The following FIBCD1 variants were observed in gnomAD, a reference collection of about 807,000 sequenced individuals.
FIBCD1 encodes fibrinogen C domain-containing protein 1.
A neutral mutation model predicts 45.1 loss-of-function variants in FIBCD1; 47 were observed. That is an observed-to-expected ratio of 1.04 (90% CI 0.82 to 1.33). The LOEUF (loss-of-function observed/expected upper bound fraction) is 1.33. Ranked by LOEUF, FIBCD1 falls within the 40% of genes most tolerant of loss-of-function variation. The pLI is 0.00. For synonymous variants in FIBCD1, 313 were observed against 308.1 expected (o/e 1.02, Z -0.17); for missense variants, 653 against 682.2 (o/e 0.96, Z 0.48).
intron 4 of FIBCD1, among the ~76,000 whole-genome samples, chr9:130,914,913 C>G (rs754519876): frequency 1.3e-5 from 2 of 152,244 alleles, no homozygotes; most frequent in African/African-American, 2.4e-5. Context: ...ATGTCCCTCC[C>G]CAAACCCTTT....
rs989186164 is a variant in FIBCD1, at chr9:130,926,158, G to A, written c.553-1762C>T. Reference sequence around the variant, plus strand: ...GGAGGGAAGACGGTAGGTGGGGGCCGCCGTGCGATGTGTGTGCGGCAAACA... The same window carrying A: ...GGAGGGAAGACGGTAGGTGGGGGCCACCGTGCGATGTGTGTGCGGCAAACA... On this transcript the variant is annotated intron_variant, in intron 2 of 6. Coordinates refer to ENST00000372338, the MANE Select transcript of FIBCD1 (RefSeq NM_032843.5). The surrounding 1 kb of genome is among the most constrained non-coding windows in gnomAD (Gnocchi z 4.1). Among the ~76,000 whole-genome samples, 7 of 152,252 alleles carry A rather than the reference G, an allele frequency of 4.6e-5. No individual in the cohort carries two copies. The highest frequency in any genetic ancestry group is 1.2e-4 in the African/African-American group (5 of 41,542).
intron 4 of FIBCD1, among the ~76,000 whole-genome samples, chr9:130,915,645 T>G (rs534646808): frequency 1.9e-4 from 29 of 152,232 alleles, no homozygotes; most frequent in African/African-American, 6.7e-4. Context: ...GTGGTTGCAG[T>G]GAGCCGAGAT....
In FIBCD1 at chr9:130,903,514, C is replaced by CT. The variant is rs1831871079; in HGVS notation, c.*549_*550insA. On this transcript the variant is annotated 3_prime_UTR_variant, in exon 7 of 7. Coordinates refer to ENST00000372338, the MANE Select transcript of FIBCD1 (RefSeq NM_032843.5). ...TAGGATGGGGCCACCCAGCCCACAG[C>CT]CAGGCTGAGGCCCTTGGGGGAGAGG... 1.1e-5 allele frequency: 2 copies of CT among 190,258 alleles called. No individual in the cohort carries two copies. Among genetic ancestry groups the CT allele is most frequent in the South Asian group, 2.5e-4 (2 of 8,070 alleles). 11.8% of individuals were successfully genotyped at this position (190,258 alleles called of 1,614,324 possible). A position where few individuals can be genotyped will look rare whatever the true frequency, so the allele number is the denominator to read the frequency against.
Position 130,905,287 on chromosome 9 carries a change from T to C in FIBCD1, c.1073A>G (p.Asp358Gly). 1.2e-6 allele frequency: 2 copies of C among 1,613,894 alleles called. No homozygotes were observed. The highest frequency in any genetic ancestry group is 1.7e-6 in the Non-Finnish European group (2 of 1,180,014). ...GSFGVGLFSV[D>G]PEEDGYPLTV... The stretch of plus-strand genomic sequence containing the variant: ...GAGCGGGTACCCGTCTTCCTCAGGG[T>C]CCACGGAGAACAAGCCCACGCCGAA... Residue 358 changes from aspartate to glycine, a missense_variant, in exon 6 of 7, where the codon GAC (aspartate) becomes GGC (glycine). By Grantham distance (94) the Asp-to-Gly change is moderately conservative (BLOSUM62 -1). Transcript: ENST00000372338.
At chr9:130,940,189 G>T (rs1452861144), upstream of FIBCD1, among the ~76,000 whole-genome samples, 1 of 152,218 alleles carries the variant, frequency 6.6e-6, no homozygotes, top group Non-Finnish European at 1.5e-5. Flanking sequence ...GGTTGGGGGT[G>T]GGGGCCGCGT....
intron 4 of FIBCD1, among the ~76,000 whole-genome samples, chr9:130,923,125 G>A (rs1187845659): frequency 6.6e-6 from 1 of 152,220 alleles, no homozygotes; most frequent in East Asian, 1.9e-4. Flanking sequence ...AAGCCTTAAA[G>A]AGCCAGTCCT....
intron 5 of FIBCD1, among the ~76,000 whole-genome samples, chr9:130,909,399 C>T (rs1284611120): frequency 6.6e-6 from 1 of 152,210 alleles, no homozygotes; most frequent in Non-Finnish European, 1.5e-5. Flanking sequence ...ACACATTCCC[C>T]AGCACCTGTG....
rs11792889 is a variant in FIBCD1 at position 130,904,061 on chromosome 9, A to G, written c.*3T>C. On this transcript the variant is annotated 3_prime_UTR_variant, in exon 7 of 7. Coordinates refer to ENST00000372338, the MANE Select transcript of FIBCD1 (RefSeq NM_032843.5). The stretch of plus-strand genomic sequence containing the variant: ...AGCAGGGCCAAGGACAAGGTGCACC[A>G]GTCTAGCGGTCCTCCCGGACCGGCC... 391,072 of 1,610,990 alleles carry G rather than the reference A, an allele frequency of 0.24. 47,977 individuals carry two copies. The highest frequency in any genetic ancestry group is 0.28 in the South Asian group (25,341 of 90,808).
At chr9:130,920,745 C>A (rs1282058202) in intron 4 of FIBCD1, among the ~76,000 whole-genome samples, 1 of 152,154 alleles carries the variant, frequency 6.6e-6, no homozygotes, top group East Asian at 1.9e-4. Context: ...ACAAGCCATA[C>A]CGTCTCCCTG....
intron 1 of FIBCD1, among the ~76,000 whole-genome samples, chr9:130,933,427 C>G (rs1249060487): frequency 6.6e-6 from 1 of 152,100 alleles, no homozygotes; most frequent in Non-Finnish European, 1.5e-5. Context: ...GCATCTCGGG[C>G]AAGTGAGCAG....
intron 5 of FIBCD1, among the ~76,000 whole-genome samples, chr9:130,908,824 T>A (rs1257502573): frequency 6.6e-6 from 1 of 151,980 alleles, no homozygotes; most frequent in Non-Finnish European, 1.5e-5. Context: ...GCACGGCAGG[T>A]CAGAGAGGGC....
intron 1 of FIBCD1, among the ~76,000 whole-genome samples, chr9:130,931,028 T>C (rs1832441761): frequency 6.6e-6 from 1 of 151,986 alleles, no homozygotes; most frequent in African/African-American, 2.4e-5. Flanking sequence ...AGGCACCTCC[T>C]CCCCGCACCC....
intron 4 of FIBCD1, among the ~76,000 whole-genome samples, chr9:130,919,861 G>A (rs1384957004): frequency 2.6e-5 from 4 of 151,850 alleles, no homozygotes; most frequent in Non-Finnish European, 5.9e-5. Flanking sequence ...TGGACCTCAC[G>A]TGTGTGACCC....
intron 3 of FIBCD1, among the ~76,000 whole-genome samples, 178 bp downstream of exon 3, chr9:130,924,059 C>T (rs4740386): frequency 0.23 from 34,605 of 152,148 alleles, 4,421 homozygotes; most frequent in East Asian, 0.53. Context: ...AGAGAATCAC[C>T]CTCTCTGGGA....
chr9:130,912,557 A>G (rs916753158), intron 4 of FIBCD1, among the ~76,000 whole-genome samples: 2 of 151,856 alleles, frequency 1.3e-5, no homozygotes, highest in African/African-American at 4.8e-5. Context: ...AAATATAAAA[A>G]TTAGCCAGGC....
At chr9:130,920,729 C>T (rs1383956887) in intron 4 of FIBCD1, among the ~76,000 whole-genome samples, 2 of 152,216 alleles carry the variant, frequency 1.3e-5, no homozygotes, top group East Asian at 1.9e-4. Flanking sequence ...CCACCGTGGC[C>T]CCCAAACAAG....
Position 130,925,173 on chromosome 9 carries a change from T to C in FIBCD1, c.553-777A>G, listed in dbSNP as rs1237095449. On this transcript the variant is annotated intron_variant, in intron 2 of 6. Coordinates refer to ENST00000372338, the MANE Select transcript of FIBCD1 (RefSeq NM_032843.5). ...ACTCTGAGTTTCTGGGGCTCTCCGA[T>C]GTCCATGACCTCACTGGGTCCCCCA... 2.0e-5 allele frequency among the ~76,000 whole-genome samples: 3 copies of C among 152,256 alleles called. No homozygotes were observed. The East Asian group carries it at 5.8e-4, about 29-fold the overall frequency.
intron 5 of FIBCD1, among the ~76,000 whole-genome samples, chr9:130,910,373 G>T (rs1832014852): frequency 6.6e-6 from 1 of 152,212 alleles, no homozygotes; most frequent in African/African-American, 2.4e-5. Context: ...CCAGGGCTCG[G>T]GACCTGCAGC....
intron 1 of FIBCD1, among the ~76,000 whole-genome samples, chr9:130,935,462 T>A (rs1397022549): frequency 6.6e-6 from 1 of 152,196 alleles, no homozygotes; most frequent in Non-Finnish European, 1.5e-5. Context: ...GGAGGACGCA[T>A]TAACAAAGTC....
Sources: gnomAD v4.1 joint callset for allele counts (sites outside exome capture counted in the v4.1 genomes callset) on GRCh38, gnomAD v4.1.1 for gene constraint, Gnocchi (gnomAD v3.1) non-coding constraint, MANE v1.5 for transcripts, NCBI Gene and HGNC (gene_info 2026-07-23, HGNC 2026-07-21) for gene names.